The following LCP1 variants were observed in gnomAD, a reference collection of about 807,000 sequenced individuals.
The protein encoded by LCP1 is lymphocyte cytosolic protein 1.
Under a neutral mutation model 72.0 loss-of-function variants are expected in LCP1, and 23 were observed. The ratio of observed to expected loss-of-function variants is 0.32; its 90% CI spans 0.23 to 0.45. LCP1 has a LOEUF of 0.45. Ranked by LOEUF, LCP1 falls within the 20% of genes least tolerant of loss-of-function variation. The probability of loss-of-function intolerance (pLI) is 1.00; values close to 1 mark genes in which losing one functional copy is unlikely to be tolerated. For synonymous variants in LCP1, 245 were observed against 275.4 expected (o/e 0.89, Z 1.09); for missense variants, 571 against 748.3 (o/e 0.76, Z 2.76).
intron 1 of LCP1, among the ~76,000 whole-genome samples, chr13:46,176,491 T>C (rs1271190405): frequency 6.6e-6 from 1 of 152,214 alleles, no homozygotes; most frequent in Non-Finnish European, 1.5e-5. Flanking sequence ...ATTTTAAACT[T>C]TGCCTAAGGA....
chr13:46,180,733 C>T (rs975610758), intron 1 of LCP1, among the ~76,000 whole-genome samples: 14 of 152,200 alleles, frequency 9.2e-5, no homozygotes, highest in African/African-American at 9.6e-5. Flanking sequence ...AATTAACTTT[C>T]GCATAGTTCT....
intron 2 of LCP1, chr13:46,159,339 A>G (rs1023629206): frequency 3.7e-6 from 2 of 541,734 alleles, no homozygotes; most frequent in Non-Finnish European, 6.5e-6. Flanking sequence ...ACAGAAGACA[A>G]GATATAAAAG....
At chr13:46,157,741 CTTTTTTTTTTTT>C (rs548259648) in intron 4 of LCP1, among the ~76,000 whole-genome samples, 1,260 of 99,858 alleles carry the variant, frequency 0.013, 29 homozygotes, top group African/African-American at 0.049. Context: ...CATGACTTAT[CTTTTTTTTTTTT>C]TTTTTTTTTT....
intron 1 of LCP1, among the ~76,000 whole-genome samples, chr13:46,162,511 G>A (rs974600464): frequency 1.9e-4 from 29 of 152,106 alleles, no homozygotes; most frequent in African/African-American, 6.7e-4. Flanking sequence ...TGTGTTGGCC[G>A]GGCTGGTCTC....
rs984782570 is a variant in LCP1 at position 46,156,363 on chromosome 13, G to A, written c.491+75C>T. 59 of 1,569,526 alleles carry A rather than the reference G, an allele frequency of 3.8e-5. No individual in the cohort carries two copies. In the African/African-American group the frequency reaches 4.9e-4, roughly 13 times the overall value. On this transcript the variant is annotated intron_variant, in intron 5 of 15. Transcript: ENST00000323076. The stretch of plus-strand genomic sequence containing the variant: ...TGAGCACCAAACAAAGTTGGCCTAC[G>A]ATAAATAACGATTAATTGTTGATGG...
intron 15 of LCP1, among the ~76,000 whole-genome samples, chr13:46,130,316 T>C (rs766922673): frequency 3.3e-5 from 5 of 152,244 alleles, no homozygotes; most frequent in Non-Finnish European, 7.3e-5. Context: ...TCTGTTTCAA[T>C]AAAACTTTGT....
intron 1 of LCP1, among the ~76,000 whole-genome samples, chr13:46,176,638 T>C (rs1161531086): frequency 1.3e-5 from 2 of 151,928 alleles, no homozygotes; most frequent in African/African-American, 2.4e-5. Context: ...AGGGTATTAT[T>C]TAAATACAAG....
intron 1 of LCP1, among the ~76,000 whole-genome samples, chr13:46,173,708 C>A (rs2045914718): frequency 6.6e-6 from 1 of 152,104 alleles, no homozygotes; most frequent in Admixed American, 6.5e-5. Flanking sequence ...TATTCGGAGT[C>A]CTTGAAGTCA....
intron 13 of LCP1, among the ~76,000 whole-genome samples, chr13:46,137,781 C>T (rs534633006): frequency 1.3e-5 from 2 of 152,266 alleles, no homozygotes; most frequent in South Asian, 4.1e-4. Context: ...CTGAAAAGCT[C>T]TTTGTCAAAA....
intron 1 of LCP1, among the ~76,000 whole-genome samples, 182 bp downstream of exon 1, chr13:46,181,929 G>C (rs1207247900): frequency 6.6e-6 from 1 of 152,112 alleles, no homozygotes; most frequent in Non-Finnish European, 1.5e-5. Context: ...CTCCATCTTG[G>C]ATGGCCACGC....
At position 46,126,259 on chromosome 13, in the gene LCP1, C is replaced by T. The variant is rs138220979; in HGVS notation, c.*1332G>A. On this transcript the variant is annotated 3_prime_UTR_variant, in exon 16 of 16. Coordinates refer to ENST00000323076, the MANE Select transcript of LCP1 (RefSeq NM_002298.5). ...TGGAGCTTTTCACCATGATAGAGGG[C>T]GTCTTGCATTGGTTCACAATGGCCT... 8.8e-5 allele frequency: 20 copies of T among 227,202 alleles called. No individual in the cohort carries two copies. Among genetic ancestry groups the T allele is most frequent in the Admixed American group, 8.5e-4 (15 of 17,618 alleles). 14.1% of individuals were successfully genotyped at this position (227,202 alleles called of 1,614,324 possible). A position where few individuals can be genotyped will look rare whatever the true frequency, so the allele number is the denominator to read the frequency against.
chr13:46,159,278 TAA>T, intron 2 of LCP1: 1 of 519,044 alleles, frequency 1.9e-6, no homozygotes, highest in Admixed American at 3.5e-5. Context: ...GGTTTAGTGA[TAA>T]AGAGTAAGAG....
At chr13:46,127,756 G>T in intron 15 of LCP1, 33 bp from the exon 16 acceptor site, 1 of 1,613,218 alleles carries the variant, frequency 6.2e-7, no homozygotes, top group East Asian at 2.2e-5. Flanking sequence ...AATAAGGAGA[G>T]CCTGAGAAAC....
chr13:46,135,108 C>CAAAA (rs11438431), intron 13 of LCP1, among the ~76,000 whole-genome samples: 3 of 97,120 alleles, frequency 3.1e-5, no homozygotes, highest in African/African-American at 4.0e-5. Flanking sequence ...GACTCTGTCT[C>CAAAA]AAAAAAAAAA....
intron 1 of LCP1, among the ~76,000 whole-genome samples, chr13:46,165,798 C>T (rs1207017595): frequency 6.6e-6 from 1 of 152,120 alleles, no homozygotes; most frequent in Non-Finnish European, 1.5e-5. Context: ...TATAAAAAGA[C>T]AACTCATTCA....
chr13:46,127,754 G>C, intron 15 of LCP1, 31 bp from the exon 16 acceptor site: 1 of 1,613,464 alleles, frequency 6.2e-7, no homozygotes, highest in Non-Finnish European at 8.5e-7. Context: ...AAAATAAGGA[G>C]AGCCTGAGAA....
intron 15 of LCP1, 92 bp downstream of exon 15, chr13:46,130,722 T>G: frequency 7.0e-7 from 1 of 1,425,818 alleles, no homozygotes; most frequent in Non-Finnish European, 9.6e-7. Context: ...AATGAAATGT[T>G]TGTATAAAGG....
intron 1 of LCP1, among the ~76,000 whole-genome samples, chr13:46,168,720 C>A (rs537029542): frequency 6.6e-6 from 1 of 152,336 alleles, no homozygotes; most frequent in Non-Finnish European, 1.5e-5. Context: ...TTAAAAATAT[C>A]CAAATAAGGA....
At chr13:46,180,356 C>T (rs1475717152) in intron 1 of LCP1, among the ~76,000 whole-genome samples, 1 of 152,190 alleles carries the variant, frequency 6.6e-6, no homozygotes, top group Non-Finnish European at 1.5e-5. Context: ...GGTACTTTAA[C>T]AACAAGTAAA....
Sources: gnomAD v4.1 joint callset for allele counts (sites outside exome capture counted in the v4.1 genomes callset) on GRCh38, gnomAD v4.1.1 for gene constraint, MANE v1.5 for transcripts, NCBI Gene and HGNC (gene_info 2026-07-23, HGNC 2026-07-21) for gene names.